IVNS1ABP: variants seen among roughly 807,000 people sequenced by gnomAD.
IVNS1ABP encodes influenza virus NS1A-binding protein.
In IVNS1ABP, 25 loss-of-function variants were observed where a neutral mutation model predicts 78.9. The ratio of observed to expected loss-of-function variants is 0.32; its 90% CI spans 0.23 to 0.44. The LOEUF (loss-of-function observed/expected upper bound fraction) is 0.44. Ranked by LOEUF, IVNS1ABP falls within the 20% of genes least tolerant of loss-of-function variation. IVNS1ABP has a pLI of 1.00. For synonymous variants in IVNS1ABP, 241 were observed against 259.7 expected (o/e 0.93, Z 0.69); for missense variants, 494 against 768.9 (o/e 0.64, Z 4.23).
chr1:185,315,182 T>G lies in IVNS1ABP; in HGVS notation c.-247+1771A>C, dbSNP rs1665983225. On this transcript the variant is annotated intron_variant, in intron 1 of 14. Transcript: ENST00000367498. ...CTAAAAAGTGGATGAAATGACTTAC[T>G]TAGTGTTACTTCATCTTAATATCAA... is the stretch of plus-strand genomic sequence containing the variant. Among the ~76,000 whole-genome samples the G allele has an allele frequency of 1.3e-5, 2 of 152,236 alleles. 1 individual carries two copies. Among genetic ancestry groups the G allele is most frequent in the Non-Finnish European group, 2.9e-5 (2 of 68,036 alleles).
At chr1:185,300,751 A>G in intron 10 of IVNS1ABP, 193 bp from the exon 11 acceptor site, 1 of 701,736 alleles carries the variant, frequency 1.4e-6, no homozygotes, top group Non-Finnish European at 2.3e-6. Context: ...TAAACTGCTT[A>G]GTCTTGGCTT....
intron 8 of IVNS1ABP, among the ~76,000 whole-genome samples, chr1:185,303,962 A>C (rs1313522686): frequency 6.6e-6 from 1 of 152,124 alleles, no homozygotes; most frequent in South Asian, 2.1e-4. Context: ...AGGATAAAGT[A>C]TAAGCCCCAT....
At chr1:185,306,765 A>G in intron 7 of IVNS1ABP, 1 of 689,100 alleles carries the variant, frequency 1.5e-6, no homozygotes, top group South Asian at 2.2e-5. Context: ...AAAGCAAATT[A>G]CATGCTACTT....
chr1:185,300,874 G>A (rs1665576833), intron 10 of IVNS1ABP, 98 bp downstream of exon 10: 2 of 861,840 alleles, frequency 2.3e-6, no homozygotes, highest in Admixed American at 2.2e-5. Flanking sequence ...TTATTGGATT[G>A]CCGTGAAAGA....
In IVNS1ABP at chr1:185,296,678, GTCATC is replaced by G. The variant is rs1371029080; in HGVS notation, c.*1352_*1356del. On this transcript the variant is annotated 3_prime_UTR_variant, in exon 15 of 15. Coordinates refer to ENST00000367498, the MANE Select transcript of IVNS1ABP (RefSeq NM_006469.5). The stretch of plus-strand genomic sequence containing the variant: ...CCTAACCCAAGTTAGCCACTGAATA[GTCATC>G]TCAGAATAGTCACCTCATCCCAGTT... 6.6e-6 allele frequency: 1 copy of G among 152,030 alleles called. No individual in the cohort carries two copies. Among genetic ancestry groups the G allele is most frequent in the African/African-American group, 2.4e-5 (1 of 41,396 alleles). The allele number at this position is 152,030 out of a possible 1,614,324, so 9.4% of individuals were successfully genotyped here. A position where few individuals can be genotyped will look rare whatever the true frequency, so the allele number is the denominator to read the frequency against.
chr1:185,315,554 G>C lies in IVNS1ABP; in HGVS notation c.-247+1399C>G, dbSNP rs76213361. The stretch of plus-strand genomic sequence containing the variant: ...CCTCTGGCTACCAAATTATAAGCTT[G>C]ATAAGCAGCCTGCCAGCTGGCGTTA... On this transcript the variant is annotated intron_variant, in intron 1 of 14. Transcript: ENST00000367498. Among the ~76,000 whole-genome samples, 650 of 152,298 alleles carry C rather than the reference G, an allele frequency of 4.3e-3. 7 individuals are homozygous for C. Among genetic ancestry groups the C allele is most frequent in the Non-Finnish European group, 6.8e-3 (465 of 68,032 alleles).
chr1:185,316,561 C>G (rs1011196789), intron 1 of IVNS1ABP, among the ~76,000 whole-genome samples: 43 of 152,372 alleles, frequency 2.8e-4, no homozygotes, highest in Middle Eastern at 3.4e-3. Context: ...GGGAGTCCCG[C>G]GCCCTCCTTC....
At position 185,299,981 on chromosome 1, in the gene IVNS1ABP, GA is replaced by G. The variant is rs748318749; in HGVS notation, c.1501+17del. 63 of 1,600,744 alleles carry G rather than the reference GA, an allele frequency of 3.9e-5. No homozygotes were observed. The Admixed American group carries it at 8.7e-4, about 22-fold the overall frequency. ...TTTGAAGGTCTTTAAAAAAAAAAAGGAAAAAAAATCAACTTACGAATGTTAA... is the reference window on the plus strand; with the variant it reads ...TTTGAAGGTCTTTAAAAAAAAAAAGGAAAAAAATCAACTTACGAATGTTAA... On this transcript the variant is annotated intron_variant, in intron 13 of 14. Transcript: ENST00000367498.
chr1:185,305,649 A>C lies in IVNS1ABP; in HGVS notation c.658-6T>G. 1 of 1,613,008 alleles carries C rather than the reference A, an allele frequency of 6.2e-7. No homozygotes were observed. The highest frequency in any genetic ancestry group is 8.5e-7 in the Non-Finnish European group (1 of 1,179,388). On this transcript the variant is annotated splice_region_variant and splice_polypyrimidine_tract_variant and intron_variant, in intron 7 of 14. Coordinates refer to ENST00000367498, the MANE Select transcript of IVNS1ABP (RefSeq NM_006469.5). This position sits in a 1 kb window ranked among gnomAD's most constrained non-coding sequence, Gnocchi z 4.0. ...GAGTAGTACAAGGTTTGAACCTGCA[A>C]AACAGCAACAGAACACCCATGTGGC...
At chr1:185,314,455 T>C (rs1204865643) in intron 1 of IVNS1ABP, among the ~76,000 whole-genome samples, 1 of 152,196 alleles carries the variant, frequency 6.6e-6, no homozygotes, top group Non-Finnish European at 1.5e-5. Context: ...AAAAAAGGTA[T>C]GATAGCAAAT....
Position 185,305,336 on chromosome 1 carries a change from G to A in IVNS1ABP, c.765+200C>T, listed in dbSNP as rs1211853603. ...CTTTATGAGAAAAAAATTTCAATAG[G>A]GTTTCCTAATTTGTTAATATCTTTT... is the stretch of plus-strand genomic sequence containing the variant. On this transcript the variant is annotated intron_variant, in intron 8 of 14. Coordinates refer to ENST00000367498, the MANE Select transcript of IVNS1ABP (RefSeq NM_006469.5). The surrounding 1 kb of genome is among the most constrained non-coding windows in gnomAD (Gnocchi z 4.0). Among the ~76,000 whole-genome samples the A allele has an allele frequency of 2.0e-5, 3 of 151,882 alleles. No homozygotes were observed. The highest frequency in any genetic ancestry group is 7.3e-5 in the African/African-American group (3 of 41,334).
At chr1:185,303,578 C>T (rs1334180343) in intron 8 of IVNS1ABP, among the ~76,000 whole-genome samples, 1 of 152,046 alleles carries the variant, frequency 6.6e-6, no homozygotes, top group Admixed American at 6.6e-5. Context: ...CCTAATCTTG[C>T]TAAGCAATCA....
Position 185,298,338 on chromosome 1 carries a change from G to T in IVNS1ABP, c.1676-50C>A, listed in dbSNP as rs771970831. 28 of 1,524,138 alleles carry T rather than the reference G, an allele frequency of 1.8e-5. 1 individual carries two copies. In the Admixed American group the frequency reaches 3.3e-4, roughly 18 times the overall value. 94.4% of individuals were successfully genotyped at this position (1,524,138 alleles called of 1,614,324 possible). A position where few individuals can be genotyped will look rare whatever the true frequency, so the allele number is the denominator to read the frequency against. ...AATCCAGAGATTAAAGTGTAATAAG[G>T]TAAAACTCCCCTAAATCTGTCTTTT... On this transcript the variant is annotated intron_variant, in intron 14 of 14. Transcript: ENST00000367498. The surrounding 1 kb of genome is among the most constrained non-coding windows in gnomAD (Gnocchi z 4.1).
rs1428422087 is a variant in IVNS1ABP, at chr1:185,305,878, C to T, written c.658-235G>A. The T allele has an allele frequency of 2.2e-6, 1 of 450,086 alleles. No homozygotes were observed. Among genetic ancestry groups the T allele is most frequent in the South Asian group, 3.2e-5 (1 of 30,922 alleles). 27.9% of individuals were successfully genotyped at this position (450,086 alleles called of 1,614,324 possible). On this transcript the variant is annotated intron_variant, in intron 7 of 14. Coordinates refer to ENST00000367498, the MANE Select transcript of IVNS1ABP (RefSeq NM_006469.5). This position sits in a 1 kb window ranked among gnomAD's most constrained non-coding sequence, Gnocchi z 4.0. ...AATCTTCCAATACTGGCTGAAGAGTCGTTGGCTTGATTGGCTTGAAAGAAA... is the reference window on the plus strand; with the variant it reads ...AATCTTCCAATACTGGCTGAAGAGTTGTTGGCTTGATTGGCTTGAAAGAAA...
At position 185,308,774 on chromosome 1, in the gene IVNS1ABP, G is replaced by A. The variant is rs577826283; in HGVS notation, c.357+26C>T. The A allele has an allele frequency of 1.3e-4, 191 of 1,525,044 alleles. 5 individuals carry two copies. In the South Asian group the frequency reaches 2.1e-3, roughly 17 times the overall value. 94.5% of individuals were successfully genotyped at this position (1,525,044 alleles called of 1,614,324 possible). On this transcript the variant is annotated intron_variant, in intron 5 of 14. Transcript: ENST00000367498. ...TCACACAAAATAAGACTCCATAAAT[G>A]ATTTTATTTACTTCTGATACTCTAC... is the stretch of plus-strand genomic sequence containing the variant.
rs996905855 is a variant in IVNS1ABP, at chr1:185,317,174, A to C, written c.-468T>G. Reference sequence around the variant, plus strand: ...CTCGCTCGCCGATACAGCCGCGCCGAAGCAGCAGGCGGAGAAACTGCGCCC... The same window carrying C: ...CTCGCTCGCCGATACAGCCGCGCCGCAGCAGCAGGCGGAGAAACTGCGCCC... On this transcript the variant is annotated 5_prime_UTR_variant, in exon 1 of 15. Transcript: ENST00000367498. The C allele has an allele frequency of 7.8e-5, 31 of 397,154 alleles. No homozygotes were observed. Among genetic ancestry groups the C allele is most frequent in the Non-Finnish European group, 1.2e-4 (26 of 225,892 alleles). 24.6% of individuals were successfully genotyped at this position (397,154 alleles called of 1,614,324 possible). A position where few individuals can be genotyped will look rare whatever the true frequency, so the allele number is the denominator to read the frequency against.
Position 185,309,365 on chromosome 1 carries a change from G to T in IVNS1ABP, c.111+18C>A, listed in dbSNP as rs775082164. 1.3e-6 allele frequency: 2 copies of T among 1,497,528 alleles called. No individual in the cohort carries two copies. Among genetic ancestry groups the T allele is most frequent in the Middle Eastern group, 3.5e-4 (2 of 5,706 alleles). 92.8% of individuals were successfully genotyped at this position (1,497,528 alleles called of 1,614,324 possible). A position where few individuals can be genotyped will look rare whatever the true frequency, so the allele number is the denominator to read the frequency against. On this transcript the variant is annotated intron_variant, in intron 3 of 14. Transcript: ENST00000367498. ...AGTAATAAAAAATTCTATAAATTTT[G>T]AATTAAGTTTTAAATACCTGAAGTC... is the stretch of plus-strand genomic sequence containing the variant.
Position 185,301,634 on chromosome 1 carries a change from A to G in IVNS1ABP, c.766-71T>C, listed in dbSNP as rs994814881. The stretch of plus-strand genomic sequence containing the variant: ...TCTGATGTACCTTTGTTCCTGAGCT[A>G]TTCCACAACACTGAGTATCCTTCAC... On this transcript the variant is annotated intron_variant, in intron 8 of 14. Coordinates refer to ENST00000367498, the MANE Select transcript of IVNS1ABP (RefSeq NM_006469.5). 9.8e-6 allele frequency: 15 copies of G among 1,537,306 alleles called. No individual in the cohort carries two copies. In the African/African-American group the frequency reaches 1.6e-4, roughly 17 times the overall value.
In IVNS1ABP at chr1:185,311,310, G is replaced by C; in HGVS notation, c.-234C>G. The C allele has an allele frequency of 2.5e-6, 1 of 397,882 alleles. No individual in the cohort carries two copies. The highest frequency in any genetic ancestry group is 3.6e-5 in the East Asian group (1 of 28,022). 24.6% of individuals were successfully genotyped at this position (397,882 alleles called of 1,614,324 possible). Reference sequence around the variant, plus strand: ...AGACACGAATTTCTTCTGTGATAATGATGCATCATAATCTATAACAATGAT... The same window carrying C: ...AGACACGAATTTCTTCTGTGATAATCATGCATCATAATCTATAACAATGAT... On this transcript the variant is annotated 5_prime_UTR_variant, in exon 2 of 15. It adds an upstream start codon to the 5' untranslated region. Coordinates refer to ENST00000367498, the MANE Select transcript of IVNS1ABP (RefSeq NM_006469.5).
Sources: allele counts gnomAD v4.1 joint callset (sites outside exome capture counted in the v4.1 genomes callset), GRCh38; gene constraint gnomAD v4.1.1; non-coding constraint Gnocchi (gnomAD v3.1); transcripts MANE v1.5; gene names NCBI Gene and HGNC (gene_info 2026-07-23, HGNC 2026-07-21).